The following TEX2 variants were observed in gnomAD, a reference collection of about 807,000 sequenced individuals.
TEX2 encodes the protein testis expressed 2, also known as testis-expressed protein 2.
Under a neutral mutation model 106.9 loss-of-function variants are expected in TEX2, and 53 were observed. The observed-to-expected ratio is 0.50, with a 90% CI of 0.40 to 0.62. The LOEUF is 0.62. TEX2 is among the 20% of genes least tolerant of loss of function. The pLI, the probability that TEX2 is intolerant of heterozygous loss-of-function variation, is 0.00. For missense variants in TEX2, 1,207 were observed against 1,379.0 expected (o/e 0.88, Z 1.98); for synonymous variants, 523 against 534.8 (o/e 0.98, Z 0.30).
chr17:64,212,198 A>G (rs1349805268), intron 2 of TEX2, among the ~76,000 whole-genome samples: 12 of 152,192 alleles, frequency 7.9e-5, no homozygotes, highest in African/African-American at 2.9e-4. Flanking sequence ...CTCCTCTTGC[A>G]ATTCCGGGAG....
At chr17:64,223,499 T>C (rs1190575675) in intron 1 of TEX2, among the ~76,000 whole-genome samples, 2 of 151,788 alleles carry the variant, frequency 1.3e-5, no homozygotes, top group African/African-American at 4.8e-5. Flanking sequence ...GCCACTCAAT[T>C]ATCACCAACA....
chr17:64,210,956 TTTA>T (rs782136569), intron 2 of TEX2, among the ~76,000 whole-genome samples: 3 of 151,512 alleles, frequency 2.0e-5, no homozygotes, highest in South Asian at 2.1e-4. Context: ...TGTTACTTAT[TTTA>T]TTATTATTAT....
chr17:64,193,897 G>T lies in TEX2; in HGVS notation c.1846-8C>A. The T allele has an allele frequency of 6.7e-7, 1 of 1,502,686 alleles. No homozygotes were observed. Among genetic ancestry groups the T allele is most frequent in the Non-Finnish European group, 8.9e-7 (1 of 1,120,958 alleles). 93.1% of individuals were successfully genotyped at this position (1,502,686 alleles called of 1,614,324 possible). The stretch of plus-strand genomic sequence containing the variant: ...TTTAGGTACAAGATAAATCTACAGA[G>T]AAAGAAAAATGATGATTTATATATT... On this transcript the variant is annotated splice_region_variant and splice_polypyrimidine_tract_variant and intron_variant, in intron 3 of 11. Coordinates refer to ENST00000584379, the MANE Select transcript of TEX2 (RefSeq NM_001288732.2).
chr17:64,195,009 T>C lies in TEX2; in HGVS notation c.1731A>G (p.Gly577=). The C allele has an allele frequency of 6.2e-7, 1 of 1,614,164 alleles. No homozygotes were observed. Among genetic ancestry groups the C allele is most frequent in the Non-Finnish European group, 8.5e-7 (1 of 1,180,018 alleles). Residue 577 remains glycine (G), a synonymous_variant, in exon 3 of 12, where the codon GGA becomes GGG. Coordinates refer to ENST00000584379, the MANE Select transcript of TEX2 (RefSeq NM_001288732.2). The surrounding 1 kb of genome is among the most constrained non-coding windows in gnomAD (Gnocchi z 4.1). The part of the protein sequence containing the change: ...THSVFVRLEG[G]TLRLSKPNKN... Reference sequence around the variant, plus strand: ...TATTGGGCTTTGAAAGTCTTAAGGTTCCACCCTCAAGTCGAACAAAGACTG... The same window carrying C: ...TATTGGGCTTTGAAAGTCTTAAGGTCCCACCCTCAAGTCGAACAAAGACTG...
chr17:64,238,981 T>C (rs2033828117), intron 1 of TEX2, among the ~76,000 whole-genome samples: 1 of 152,254 alleles, frequency 6.6e-6, no homozygotes, highest in South Asian at 2.1e-4. Context: ...TGAAGATTTA[T>C]GTCCCAGACA....
chr17:64,251,915 T>C (rs1271740823), intron 1 of TEX2, among the ~76,000 whole-genome samples: 2 of 152,162 alleles, frequency 1.3e-5, no homozygotes, highest in Non-Finnish European at 2.9e-5. Context: ...AGTTTGCTGA[T>C]GGCAGTGAGG....
intron 4 of TEX2, among the ~76,000 whole-genome samples, chr17:64,189,824 A>G (rs2032227017): frequency 6.6e-6 from 1 of 152,094 alleles, no homozygotes. Context: ...TCTACTAAAA[A>G]TACAAAACAT....
At chr17:64,249,034 C>CA (rs1206779432) in intron 1 of TEX2, among the ~76,000 whole-genome samples, 10 of 144,518 alleles carry the variant, frequency 6.9e-5, no homozygotes, top group African/African-American at 2.3e-4. Flanking sequence ...GACTTTGTCT[C>CA]AAAGAAAAAA....
chr17:64,223,175 G>T (rs1188963200), intron 1 of TEX2, among the ~76,000 whole-genome samples: 2 of 152,010 alleles, frequency 1.3e-5, no homozygotes, highest in Non-Finnish European at 2.9e-5. Flanking sequence ...CAGAGTGAGC[G>T]TATCAAACAG....
rs1426347869 is a variant in TEX2, at chr17:64,177,349, G to T, written c.2547C>A (p.Ile849=). The change falls in exon 6 of 12, where the codon ATC becomes ATA. Residue 849 remains isoleucine (I), a synonymous_variant. Coordinates refer to ENST00000584379, the MANE Select transcript of TEX2 (RefSeq NM_001288732.2). ...KYWSDLVSKK[I]QMKLSKIKLP... is the part of the protein sequence containing the mutation. ...CCTTTATTTTGCTGAGTTTCATTTGGATCTTCTTAGACACCAGATCAGACC... is the reference window on the plus strand; with the variant it reads ...CCTTTATTTTGCTGAGTTTCATTTGTATCTTCTTAGACACCAGATCAGACC... 1 of 1,614,070 alleles carries T rather than the reference G, an allele frequency of 6.2e-7. No homozygotes were observed. The highest frequency in any genetic ancestry group is 1.1e-5 in the South Asian group (1 of 91,076).
Position 64,212,901 on chromosome 17 carries a change from G to A in TEX2, c.1317C>T (p.Leu439=). 5 of 1,614,174 alleles carry A rather than the reference G, an allele frequency of 3.1e-6. No individual in the cohort carries two copies. The highest frequency in any genetic ancestry group is 4.2e-6 in the Non-Finnish European group (5 of 1,180,036). The change falls in exon 2 of 12, where the codon CTC becomes CTT. Residue 439 remains leucine, a synonymous_variant. Coordinates refer to ENST00000584379, the MANE Select transcript of TEX2 (RefSeq NM_001288732.2). ...ETEGESKVDK[L]SDIPLKPEVL... ...CCTCTGGCTTGAGAGGAATATCTGA[G>A]AGCTTATCAACTTTACTCTCCCCCT...
At chr17:64,210,554 CT>C (rs2032966554) in intron 2 of TEX2, among the ~76,000 whole-genome samples, 2 of 148,874 alleles carry the variant, frequency 1.3e-5, no homozygotes, top group Non-Finnish European at 3.0e-5. Context: ...CATGTATTTC[CT>C]TTGAACAAGG....
At chr17:64,161,777 C>T (rs1035972241) in intron 7 of TEX2, among the ~76,000 whole-genome samples, 4 of 151,968 alleles carry the variant, frequency 2.6e-5, no homozygotes, top group Admixed American at 6.6e-5. Flanking sequence ...TTTTCAGACT[C>T]GGGGCTCCAG....
chr17:64,174,720 C>T (rs532468150), intron 6 of TEX2, among the ~76,000 whole-genome samples: 3 of 152,304 alleles, frequency 2.0e-5, no homozygotes, highest in South Asian at 4.1e-4. Context: ...AAGCTGTATG[C>T]GATCTCAGCA....
At chr17:64,254,651 C>T (rs1039991933) in intron 1 of TEX2, among the ~76,000 whole-genome samples, 9 of 152,246 alleles carry the variant, frequency 5.9e-5, no homozygotes, top group African/African-American at 2.2e-4. Flanking sequence ...TAGAAACTTT[C>T]GACATATTAA....
chr17:64,253,602 G>C (rs782724922), intron 1 of TEX2, among the ~76,000 whole-genome samples: 2 of 152,160 alleles, frequency 1.3e-5, no homozygotes, highest in African/African-American at 4.8e-5. Flanking sequence ...CACCAAACTA[G>C]AACAGTGGCA....
intron 6 of TEX2, among the ~76,000 whole-genome samples, chr17:64,175,591 G>C (rs1025922714): frequency 6.6e-6 from 1 of 152,176 alleles, no homozygotes; most frequent in Non-Finnish European, 1.5e-5. Context: ...TGTTGGTGTT[G>C]TTGTTGTTTT....
chr17:64,160,907 A>G lies in TEX2; in HGVS notation c.2698T>C (p.Tyr900His). Residue 900 changes from tyrosine to histidine, a missense_variant, in exon 8 of 12, where the codon TAC (tyrosine) becomes CAC (histidine). By Grantham distance (83) the Tyr-to-His change is moderately conservative. This residue lies in a region of TEX2 where 1,067 missense variants were observed against 1,193.6 expected (regional missense o/e 0.89). Coordinates refer to ENST00000584379, the MANE Select transcript of TEX2 (RefSeq NM_001288732.2). ...QGLWIDLEMS[Y>H]NGSFLMTLET... Reference sequence around the variant, plus strand: ...AGAGTCATCAGAAAGGACCCATTGTAGGACATTTCCAAATCAATCCAGAGT... The same window carrying G: ...AGAGTCATCAGAAAGGACCCATTGTGGGACATTTCCAAATCAATCCAGAGT... 1 of 1,614,192 alleles carries G rather than the reference A, an allele frequency of 6.2e-7. No individual in the cohort carries two copies. Among genetic ancestry groups the G allele is most frequent in the Non-Finnish European group, 8.5e-7 (1 of 1,180,022 alleles).
At chr17:64,207,804 C>A (rs548529600) in intron 2 of TEX2, among the ~76,000 whole-genome samples, 1 of 151,834 alleles carries the variant, frequency 6.6e-6, no homozygotes, top group Non-Finnish European at 1.5e-5. Context: ...GGTGCGATCG[C>A]AGCTCACTGC....
Sources: gnomAD v4.1 joint callset for allele counts (sites outside exome capture counted in the v4.1 genomes callset) on GRCh38, gnomAD v4.1.1 for gene constraint, gnomAD v4.1.1 regional missense constraint, Gnocchi (gnomAD v3.1) non-coding constraint, MANE v1.5 for transcripts, NCBI Gene and HGNC (gene_info 2026-07-23, HGNC 2026-07-21) for gene names.